The following GRIA4 variants were observed in gnomAD, a reference collection of about 807,000 sequenced individuals.
The protein encoded by GRIA4 is glutamate ionotropic receptor AMPA type subunit 4, also known as glutamate receptor 4.
Under a neutral mutation model 104.0 loss-of-function variants are expected in GRIA4, and 34 were observed. That is an observed-to-expected ratio of 0.33 (90% CI 0.25 to 0.44). The LOEUF is 0.44. Among genes scored for constraint, GRIA4 ranks in the 20% least tolerant of loss-of-function variants. GRIA4 has a pLI of 1.00. For missense variants in GRIA4, 750 were observed against 1,096.5 expected, an observed-to-expected ratio of 0.68 and a Z score of 4.46; for synonymous variants, 386 against 381.9, an observed-to-expected ratio of 1.01 and a Z score of -0.13.
intron 10 of GRIA4, among the ~76,000 whole-genome samples, chr11:105,914,966 T>C (rs1947358575): frequency 1.3e-5 from 2 of 152,172 alleles, no homozygotes; most frequent in African/African-American, 2.4e-5. Context: ...GTATTAACTC[T>C]AATATGAAGT....
chr11:105,693,254 A>T lies in GRIA4; in HGVS notation c.248-59727A>T, dbSNP rs139339514. ...CAACTAATTGTGCATGTTATGAAAT[A>T]GTTCTTATCTAGCACTCCACTCTTG... On this transcript the variant is annotated intron_variant, in intron 3 of 16. Transcript: ENST00000282499. 4.1e-3 allele frequency among the ~76,000 whole-genome samples: 623 copies of T among 152,362 alleles called. 3 individuals are homozygous for T. The highest frequency in any genetic ancestry group is 0.014 in the African/African-American group (575 of 41,592).
intron 10 of GRIA4, among the ~76,000 whole-genome samples, chr11:105,917,449 G>A (rs1947437482): frequency 6.6e-6 from 1 of 152,258 alleles, no homozygotes; most frequent in South Asian, 2.1e-4. Context: ...CAGAATTAGT[G>A]TAGGTTGCCA....
intron 3 of GRIA4, among the ~76,000 whole-genome samples, chr11:105,749,016 C>T (rs111632719): frequency 2.0e-5 from 3 of 151,904 alleles, no homozygotes; most frequent in African/African-American, 4.8e-5. Context: ...AAAGGCGGAT[C>T]GAGAGAGAAT....
chr11:105,841,972 G>A (rs1944410085), intron 4 of GRIA4, among the ~76,000 whole-genome samples: 1 of 152,062 alleles, frequency 6.6e-6, no homozygotes. Context: ...AAGCATTGGG[G>A]GTATAAGTGG....
chr11:105,904,105 C>A (rs911979320), intron 8 of GRIA4, 124 bp downstream of exon 8: 6 of 672,620 alleles, frequency 8.9e-6, no homozygotes, highest in African/African-American at 1.8e-5. Flanking sequence ...ATATATCAAG[C>A]CATCATTTTT....
At chr11:105,888,443 C>A (rs1378429046) in intron 6 of GRIA4, among the ~76,000 whole-genome samples, 1 of 151,182 alleles carries the variant, frequency 6.6e-6, no homozygotes, top group Non-Finnish European at 1.5e-5. Context: ...GCCACTACGC[C>A]CGGCTAATTT....
Position 105,862,014 on chromosome 11 carries a change from T to C in GRIA4, c.488-10T>C, listed in dbSNP as rs202076968. On this transcript the variant is annotated splice_polypyrimidine_tract_variant and intron_variant, in intron 4 of 16. Transcript: ENST00000282499. Reference sequence around the variant, plus strand: ...AGCATGTTTTTAGTAACTTTTTTTTTCCCCAATAGGATACTCGATACTCCA... The same window carrying C: ...AGCATGTTTTTAGTAACTTTTTTTTCCCCCAATAGGATACTCGATACTCCA... 1.4e-4 allele frequency: 228 copies of C among 1,580,920 alleles called. No homozygotes were observed. The highest frequency in any genetic ancestry group is 3.4e-4 in the Middle Eastern group (2 of 5,926).
chr11:105,870,671 G>A (rs1309861426), intron 5 of GRIA4, among the ~76,000 whole-genome samples: 1 of 152,028 alleles, frequency 6.6e-6, no homozygotes, highest in East Asian at 1.9e-4. Context: ...AGAGAGCTTC[G>A]TGTCCTGGGA....
At chr11:105,616,722 A>G (rs1054038455) in intron 3 of GRIA4, among the ~76,000 whole-genome samples, 1 of 151,794 alleles carries the variant, frequency 6.6e-6, no homozygotes, top group African/African-American at 2.4e-5. Flanking sequence ...AGTTGTTAGT[A>G]AAGAAATACT....
At chr11:105,804,988 G>A (rs1012503678) in intron 4 of GRIA4, among the ~76,000 whole-genome samples, 1 of 151,858 alleles carries the variant, frequency 6.6e-6, no homozygotes, top group African/African-American at 2.4e-5. Flanking sequence ...GAGAATCTCT[G>A]TATCCTCATA....
intron 4 of GRIA4, among the ~76,000 whole-genome samples, chr11:105,765,291 A>G (rs916363149): frequency 6.6e-6 from 1 of 152,204 alleles, no homozygotes; most frequent in African/African-American, 2.4e-5. Context: ...CCTATTCCAA[A>G]CTATAATTCT....
At chr11:105,784,452 C>A (rs773355215) in intron 4 of GRIA4, among the ~76,000 whole-genome samples, 3 of 152,138 alleles carry the variant, frequency 2.0e-5, no homozygotes, top group Non-Finnish European at 4.4e-5. Context: ...TTGAAAGGAG[C>A]ATTTCATTAT....
chr11:105,932,975 A>G (rs1435965869), intron 13 of GRIA4, among the ~76,000 whole-genome samples: 1 of 152,170 alleles, frequency 6.6e-6, no homozygotes, highest in Non-Finnish European at 1.5e-5. Context: ...ATGGTGGCTC[A>G]CACCTGTAAT....
intron 4 of GRIA4, among the ~76,000 whole-genome samples, chr11:105,855,342 T>C (rs950582445): frequency 6.6e-6 from 1 of 152,214 alleles, no homozygotes; most frequent in Non-Finnish European, 1.5e-5. Context: ...AGACCTTGTT[T>C]GAGTGCCTGT....
At chr11:105,748,503 C>T (rs1438985307) in intron 3 of GRIA4, among the ~76,000 whole-genome samples, 2 of 152,092 alleles carry the variant, frequency 1.3e-5, no homozygotes, top group Non-Finnish European at 2.9e-5. Context: ...CTGCCTCAGC[C>T]TCCCGAGTAG....
At chr11:105,760,077 G>A (rs11822168) in intron 4 of GRIA4, among the ~76,000 whole-genome samples, 28,572 of 151,864 alleles carry the variant, frequency 0.19, 3,441 homozygotes, top group African/African-American at 0.33. Context: ...ACTCATTTAC[G>A]TAGTAACTAT....
intron 5 of GRIA4, among the ~76,000 whole-genome samples, chr11:105,885,730 A>G (rs1003739453): frequency 1.3e-5 from 2 of 152,232 alleles, no homozygotes; most frequent in South Asian, 2.1e-4. Flanking sequence ...GGTGAGGAAA[A>G]TATCTTCCTT....
chr11:105,981,484 T>A lies in GRIA4; in HGVS notation c.*1745T>A, dbSNP rs190886929. 3.6e-4 allele frequency: 54 copies of A among 151,628 alleles called. 1 individual carries two copies. The East Asian group carries it at 6.9e-3, about 19-fold the overall frequency. 9.4% of individuals were successfully genotyped at this position (151,628 alleles called of 1,614,324 possible). ...AAGCTGAAGGATTGATTTTCTTCCA[T>A]CAACTCTCAAGATCCCATTCGCCAT... On this transcript the variant is annotated 3_prime_UTR_variant, in exon 17 of 17. Transcript: ENST00000282499.
At chr11:105,912,927 T>C (rs919975934) in intron 10 of GRIA4, 3 of 979,738 alleles carry the variant, frequency 3.1e-6, no homozygotes, top group Non-Finnish European at 3.6e-6. Flanking sequence ...CATTTTAATA[T>C]ATGTGATACC....
Sources: gnomAD v4.1 joint callset for allele counts (sites outside exome capture counted in the v4.1 genomes callset) on GRCh38, gnomAD v4.1.1 for gene constraint, MANE v1.5 for transcripts, NCBI Gene and HGNC (gene_info 2026-07-23, HGNC 2026-07-21) for gene names.